TCF7L1: variants seen among roughly 807,000 people sequenced by gnomAD.
TCF7L1 encodes the protein transcription factor 7-like 1.
A neutral mutation model predicts 63.7 loss-of-function variants in TCF7L1; 18 were observed. That is an observed-to-expected ratio of 0.28 (90% CI 0.20 to 0.42). TCF7L1 has a LOEUF of 0.42. Ranked by LOEUF, TCF7L1 falls within the 10% of genes least tolerant of loss-of-function variation. TCF7L1 has a pLI of 1.00. For synonymous variants in TCF7L1, 355 were observed against 340.9 expected (o/e 1.04, Z -0.46); for missense variants, 654 against 779.3 (o/e 0.84, Z 1.91).
chr2:85,153,271 G>T (rs1191852807), intron 3 of TCF7L1, among the ~76,000 whole-genome samples: 1 of 151,630 alleles, frequency 6.6e-6, no homozygotes, highest in African/African-American at 2.4e-5. Flanking sequence ...CACAGCAAGG[G>T]TTTTGTTAAG....
chr2:85,259,384 G>A (rs1012685345), intron 3 of TCF7L1, among the ~76,000 whole-genome samples: 1 of 152,168 alleles, frequency 6.6e-6, no homozygotes, highest in East Asian at 1.9e-4. Context: ...TTGGGAATTC[G>A]TATCTGTAGG....
At chr2:85,204,952 A>G (rs1164213819) in intron 3 of TCF7L1, 2 of 151,702 alleles carry the variant, frequency 1.3e-5, no homozygotes, top group Non-Finnish European at 2.9e-5. Flanking sequence ...CACATAAACT[A>G]AAATTGGAAC....
intron 3 of TCF7L1, among the ~76,000 whole-genome samples, chr2:85,165,272 G>C (rs147681331): frequency 2.0e-5 from 3 of 152,340 alleles, no homozygotes; most frequent in Admixed American, 6.5e-5. Context: ...TGAGGCTGCC[G>C]TGTGTGTGCA....
At chr2:85,298,890 T>C (rs1681895796) in intron 4 of TCF7L1, among the ~76,000 whole-genome samples, 1 of 152,020 alleles carries the variant, frequency 6.6e-6, no homozygotes, top group African/African-American at 2.4e-5. Context: ...AAGGAGAACC[T>C]TCCTTCTAGG....
chr2:85,306,728 G>C lies in TCF7L1; in HGVS notation c.1257+169G>C, dbSNP rs1002749828. 6.6e-6 allele frequency among the ~76,000 whole-genome samples: 1 copy of C among 152,120 alleles called. No homozygotes were observed. Among genetic ancestry groups the C allele is most frequent in the Non-Finnish European group, 1.5e-5 (1 of 68,022 alleles). ...CAGGCTGGAGTGCATGCAGTGGCGC[G>C]ATCTCGGCTCACTGCAAGCTCCGCC... On this transcript the variant is annotated intron_variant, in intron 10 of 11. Coordinates refer to ENST00000282111, the MANE Select transcript of TCF7L1 (RefSeq NM_031283.3). This position sits in a 1 kb window ranked among gnomAD's most constrained non-coding sequence, Gnocchi z 4.3.
At chr2:85,255,371 C>G (rs1680689766) in intron 3 of TCF7L1, among the ~76,000 whole-genome samples, 1 of 152,192 alleles carries the variant, frequency 6.6e-6, no homozygotes, top group African/African-American at 2.4e-5. Flanking sequence ...TCCCTCCCCC[C>G]TACATGCTGT....
chr2:85,149,870 T>TG (rs1377347694), intron 3 of TCF7L1, among the ~76,000 whole-genome samples: 1 of 152,208 alleles, frequency 6.6e-6, no homozygotes, highest in East Asian at 1.9e-4. Flanking sequence ...GCAGGCGTAA[T>TG]GTCCCTTTAC....
At chr2:85,299,351 A>G (rs1303988638) in intron 4 of TCF7L1, among the ~76,000 whole-genome samples, 1 of 151,600 alleles carries the variant, frequency 6.6e-6, no homozygotes, top group Admixed American at 6.6e-5. Context: ...GGAGTTCAAA[A>G]CCAGCCTGGC....
chr2:85,198,356 G>A (rs1157097888), intron 3 of TCF7L1, among the ~76,000 whole-genome samples: 1 of 152,202 alleles, frequency 6.6e-6, no homozygotes, highest in Non-Finnish European at 1.5e-5. Context: ...ACCATCTCAT[G>A]TGCACTCCTT....
intron 7 of TCF7L1, 90 bp from the exon 8 acceptor site, chr2:85,305,170 C>T (rs1682077568): frequency 1.3e-6 from 2 of 1,579,948 alleles, no homozygotes. Flanking sequence ...TGCCTGTGCC[C>T]TTAAGGCAGA....
At chr2:85,240,704 C>T (rs1460555726) in intron 3 of TCF7L1, among the ~76,000 whole-genome samples, 1 of 149,764 alleles carries the variant, frequency 6.7e-6, no homozygotes, top group African/African-American at 2.5e-5. Flanking sequence ...TGAACCCAGG[C>T]GGCAGAGGTT....
At chr2:85,253,766 T>C (rs543978352) in intron 3 of TCF7L1, among the ~76,000 whole-genome samples, 1 of 152,240 alleles carries the variant, frequency 6.6e-6, no homozygotes, top group Non-Finnish European at 1.5e-5. Context: ...ATGCTAAGCG[T>C]TCACTCAGTT....
intron 3 of TCF7L1, among the ~76,000 whole-genome samples, chr2:85,237,848 C>T (rs1558642546): frequency 6.6e-6 from 1 of 151,980 alleles, no homozygotes; most frequent in Admixed American, 6.5e-5. Context: ...AGGCCTAAAG[C>T]GGGGTTCGCG....
At chr2:85,139,911 A>T (rs922634485) in intron 3 of TCF7L1, among the ~76,000 whole-genome samples, 14 of 152,190 alleles carry the variant, frequency 9.2e-5, no homozygotes, top group African/African-American at 3.4e-4. Context: ...CTGGGAAGTG[A>T]TGTGACTTGT....
chr2:85,135,934 G>A (rs924212509), intron 3 of TCF7L1, among the ~76,000 whole-genome samples: 10 of 51,420 alleles, frequency 1.9e-4, no homozygotes, highest in East Asian at 8.9e-4. Flanking sequence ...CAATCAAAGG[G>A]GGGGGGGGAT....
chr2:85,143,701 A>T (rs1466623262), intron 3 of TCF7L1, among the ~76,000 whole-genome samples: 1 of 152,166 alleles, frequency 6.6e-6, no homozygotes, highest in African/African-American at 2.4e-5. Flanking sequence ...CACATGCCTG[A>T]TATAATTAGC....
Position 85,303,920 on chromosome 2 carries a change from C to G in TCF7L1, c.684C>G (p.Ser228=), listed in dbSNP as rs773630653. ...GAATCCCCCGGCCCCCTCACCCATC[C>G]GAGCTGTCACCGTATTACCCACTCT... ...KTGIPRPPHP[S]ELSPYYPLSP... is the part of the protein sequence containing the mutation. Residue 228 remains serine, a synonymous_variant, in exon 6 of 12, where the codon TCC becomes TCG. Transcript: ENST00000282111. The G allele has an allele frequency of 1.2e-6, 2 of 1,613,584 alleles. No homozygotes were observed. The highest frequency in any genetic ancestry group is 2.2e-5 in the South Asian group (2 of 91,034).
chr2:85,196,087 G>A (rs1679148373), intron 3 of TCF7L1, among the ~76,000 whole-genome samples: 1 of 152,166 alleles, frequency 6.6e-6, no homozygotes, highest in Non-Finnish European at 1.5e-5. Context: ...ACACTGTGCT[G>A]TTGATGTTGC....
chr2:85,301,701 T>C lies in TCF7L1; in HGVS notation c.526-783T>C, dbSNP rs1474209120. Among the ~76,000 whole-genome samples, 4 of 152,364 alleles carry C rather than the reference T, an allele frequency of 2.6e-5. No individual in the cohort carries two copies. In the Middle Eastern group the frequency reaches 0.01, roughly 389 times the overall value. On this transcript the variant is annotated intron_variant, in intron 4 of 11. Transcript: ENST00000282111. Reference sequence around the variant, plus strand: ...GTTTCAAGTGCTTTAGGGTTGTGTCTGTAAAGCCTGAATATGAGACTTGGT... The same window carrying C: ...GTTTCAAGTGCTTTAGGGTTGTGTCCGTAAAGCCTGAATATGAGACTTGGT...
Sources: allele counts gnomAD v4.1 joint callset (sites outside exome capture counted in the v4.1 genomes callset), GRCh38; gene constraint gnomAD v4.1.1; non-coding constraint Gnocchi (gnomAD v3.1); transcripts MANE v1.5; gene names NCBI Gene and HGNC (gene_info 2026-07-23, HGNC 2026-07-21).